Variants in PRELID3B observed in about 807,000 individuals in gnomAD.
PRELID3B encodes the protein PRELI domain containing protein 3B.
Under a neutral mutation model 24.0 loss-of-function variants are expected in PRELID3B, and 15 were observed. The ratio of observed to expected loss-of-function variants is 0.63; its 90% CI spans 0.42 to 0.96. The LOEUF (loss-of-function observed/expected upper bound fraction) is 0.96. PRELID3B is among the 40% of genes least tolerant of loss of function. PRELID3B has a pLI of 0.00. For synonymous variants in PRELID3B, 62 were observed against 76.0 expected (o/e 0.82, Z 0.96); for missense variants, 189 against 236.0 (o/e 0.80, Z 1.30).
In PRELID3B at chr20:59,034,971, C is replaced by G; in HGVS notation, c.*36G>C. ...TAAATATATAGTCAGTTTGGAGAGA[C>G]CTGGAGTACCCGATGTTGTCTACCA... On this transcript the variant is annotated 3_prime_UTR_variant, in exon 6 of 6. Transcript: ENST00000355937. The G allele has an allele frequency of 6.3e-7, 1 of 1,582,286 alleles. No homozygotes were observed. The highest frequency in any genetic ancestry group is 8.6e-7 in the Non-Finnish European group (1 of 1,163,886).
rs2092061833 is a variant in PRELID3B at position 59,035,075 on chromosome 20, C to T, written c.517G>A (p.Glu173Lys). 6.2e-7 allele frequency: 1 copy of T among 1,613,696 alleles called. No homozygotes were observed. Among genetic ancestry groups the T allele is most frequent in the Non-Finnish European group, 8.5e-7 (1 of 1,179,768 alleles). Residue 173 changes from glutamate to lysine, a missense_variant, in exon 6 of 6, where the codon GAA becomes AAA. Transcript: ENST00000355937. ...GTTCCTCTTGCTGAGGCTGTCAGTT[C>T]TTCAATCTCAGCATTTAATTTATGT... The part of the protein sequence containing the change: ...VIHKLNAEIE[E>K]LTASARGTIR...
At position 59,040,548 on chromosome 20, in the gene PRELID3B, C is replaced by G. The variant is rs2092103298; in HGVS notation, c.33-1914G>C. On this transcript the variant is annotated intron_variant, in intron 1 of 5. Coordinates refer to ENST00000355937, the MANE Select transcript of PRELID3B (RefSeq NM_016045.3). This position sits in a 1 kb window ranked among gnomAD's most constrained non-coding sequence, Gnocchi z 4.1. ...TTGAAGGAATCAATGAATGACTTCA[C>G]CTGGATGCCAACTATAGGCCTCAGA... Among the ~76,000 whole-genome samples, 1 of 152,196 alleles carries G rather than the reference C, an allele frequency of 6.6e-6. No homozygotes were observed. Among genetic ancestry groups the G allele is most frequent in the South Asian group, 2.1e-4 (1 of 4,828 alleles).
Position 59,040,859 on chromosome 20 carries a change from C to A in PRELID3B, c.32+1840G>T, listed in dbSNP as rs1004018446. On this transcript the variant is annotated intron_variant, in intron 1 of 5. Coordinates refer to ENST00000355937, the MANE Select transcript of PRELID3B (RefSeq NM_016045.3). This position sits in a 1 kb window ranked among gnomAD's most constrained non-coding sequence, Gnocchi z 4.1. Reference sequence around the variant, plus strand: ...CATTTGGGACTTTGACCAAACAGCTCAGATTATGTGGGGAGAAAGCACGGA... The same window carrying A: ...CATTTGGGACTTTGACCAAACAGCTAAGATTATGTGGGGAGAAAGCACGGA... Among the ~76,000 whole-genome samples the A allele has an allele frequency of 6.6e-6, 1 of 152,042 alleles. No homozygotes were observed. The highest frequency in any genetic ancestry group is 1.5e-5 in the Non-Finnish European group (1 of 68,018).
intron 2 of PRELID3B, among the ~76,000 whole-genome samples, chr20:59,037,558 G>A (rs933494917): frequency 5.9e-5 from 9 of 152,256 alleles, no homozygotes; most frequent in African/African-American, 2.2e-4. Context: ...CTGCCGCGGT[G>A]CGACGGTGGA....
At chr20:59,037,440 T>A (rs1222382539) in intron 2 of PRELID3B, 160 bp from the exon 3 acceptor site, 1 of 686,042 alleles carries the variant, frequency 1.5e-6, no homozygotes, top group African/African-American at 1.8e-5. Flanking sequence ...AGGAGGCCTA[T>A]TCACATATCA....
chr20:59,040,609 T>C lies in PRELID3B; in HGVS notation c.33-1975A>G, dbSNP rs937409007. On this transcript the variant is annotated intron_variant, in intron 1 of 5. Coordinates refer to ENST00000355937, the MANE Select transcript of PRELID3B (RefSeq NM_016045.3). The surrounding 1 kb of genome is among the most constrained non-coding windows in gnomAD (Gnocchi z 4.1). ...TGGAAAATCAAAGACAGATAAGATGTAGAATGATGACTTAGACATTGTTAG... is the reference window on the plus strand; with the variant it reads ...TGGAAAATCAAAGACAGATAAGATGCAGAATGATGACTTAGACATTGTTAG... 1.3e-5 allele frequency among the ~76,000 whole-genome samples: 2 copies of C among 152,208 alleles called. No homozygotes were observed. The highest frequency in any genetic ancestry group is 2.9e-5 in the Non-Finnish European group (2 of 68,044).
In PRELID3B at chr20:59,042,690, C is replaced by G; in HGVS notation, c.32+9G>C. 6.3e-7 allele frequency: 1 copy of G among 1,588,742 alleles called. No homozygotes were observed. ...CCCTCCACGGAGCCGACCCGCGCCCCAAACTTACTCAAAGACGTGCTCCGA... is the reference window on the plus strand; with the variant it reads ...CCCTCCACGGAGCCGACCCGCGCCCGAAACTTACTCAAAGACGTGCTCCGA... On this transcript the variant is annotated intron_variant, in intron 1 of 5. Transcript: ENST00000355937.
intron 1 of PRELID3B, among the ~76,000 whole-genome samples, chr20:59,041,369 A>T (rs2092108903): frequency 6.6e-6 from 1 of 152,330 alleles, no homozygotes; most frequent in South Asian, 2.1e-4. Context: ...AGGATACAGC[A>T]GGCCCTAGGA....
rs981432867 is a variant in PRELID3B, at chr20:59,040,903, G to A, written c.32+1796C>T. 6.6e-6 allele frequency among the ~76,000 whole-genome samples: 1 copy of A among 151,500 alleles called. No homozygotes were observed. Among genetic ancestry groups the A allele is most frequent in the Non-Finnish European group, 1.5e-5 (1 of 67,870 alleles). Reference sequence around the variant, plus strand: ...GCACGGATCAGGGCTGCTTCTCCCAGGACAAAAAAAAAGTCTGTGACGAAA... The same window carrying A: ...GCACGGATCAGGGCTGCTTCTCCCAAGACAAAAAAAAAGTCTGTGACGAAA... On this transcript the variant is annotated intron_variant, in intron 1 of 5. Transcript: ENST00000355937. The surrounding 1 kb of genome is among the most constrained non-coding windows in gnomAD (Gnocchi z 4.1).
In PRELID3B at chr20:59,040,422, A is replaced by G. The variant is rs1364965702; in HGVS notation, c.33-1788T>C. ...TTCACCTTTGAAACGAGGTGAGGAC[A>G]TTATTAACTCCACTGGCGCAGCATC... On this transcript the variant is annotated intron_variant, in intron 1 of 5. Transcript: ENST00000355937. The surrounding 1 kb of genome is among the most constrained non-coding windows in gnomAD (Gnocchi z 4.1). Among the ~76,000 whole-genome samples the G allele has an allele frequency of 6.6e-6, 1 of 152,236 alleles. No homozygotes were observed. Among genetic ancestry groups the G allele is most frequent in the African/African-American group, 2.4e-5 (1 of 41,462 alleles).
At chr20:59,038,155 A>C in intron 2 of PRELID3B, 1 of 240,604 alleles carries the variant, frequency 4.2e-6, no homozygotes, top group Non-Finnish European at 8.0e-6. Context: ...TTATGACCAG[A>C]CCATTACTGC....
Position 59,036,411 on chromosome 20 carries a change from C to A in PRELID3B, c.465+60G>T, listed in dbSNP as rs867273721. 1.1e-4 allele frequency: 142 copies of A among 1,305,430 alleles called. No homozygotes were observed. In the Middle Eastern group the frequency reaches 1.8e-3, roughly 17 times the overall value. 80.9% of individuals were successfully genotyped at this position (1,305,430 alleles called of 1,614,324 possible). Reference sequence around the variant, plus strand: ...TACAAGGACACACATGCAGTCAGCACCCCATTCCATTCCCAGGAAATGAAC... The same window carrying A: ...TACAAGGACACACATGCAGTCAGCAACCCATTCCATTCCCAGGAAATGAAC... On this transcript the variant is annotated intron_variant, in intron 5 of 5. Transcript: ENST00000355937.
rs1461108129 is a variant in PRELID3B, at chr20:59,040,801, G to A, written c.32+1898C>T. 6.6e-6 allele frequency among the ~76,000 whole-genome samples: 1 copy of A among 152,156 alleles called. No individual in the cohort carries two copies. Among genetic ancestry groups the A allele is most frequent in the Non-Finnish European group, 1.5e-5 (1 of 68,040 alleles). ...AGCTCAAGAGAGGCTGGAGCTCAAG[G>A]TACAGATCTGGGTGCCATAAATGTA... is the stretch of plus-strand genomic sequence containing the variant. On this transcript the variant is annotated intron_variant, in intron 1 of 5. Coordinates refer to ENST00000355937, the MANE Select transcript of PRELID3B (RefSeq NM_016045.3). The surrounding 1 kb of genome is among the most constrained non-coding windows in gnomAD (Gnocchi z 4.1).
In PRELID3B at chr20:59,040,027, G is replaced by A. The variant is rs1482743585; in HGVS notation, c.33-1393C>T. On this transcript the variant is annotated intron_variant, in intron 1 of 5. Transcript: ENST00000355937. This position sits in a 1 kb window ranked among gnomAD's most constrained non-coding sequence, Gnocchi z 4.1. ...ATGAAAATCAGATGAACCCTCCCCA[G>A]GTCTCCATCCAGTCATATGCCATGG... Among the ~76,000 whole-genome samples the A allele has an allele frequency of 6.6e-6, 1 of 152,058 alleles. No individual in the cohort carries two copies. The highest frequency in any genetic ancestry group is 1.5e-5 in the Non-Finnish European group (1 of 67,992).
rs1039094772 is a variant in PRELID3B at position 59,042,605 on chromosome 20, G to A, written c.32+94C>T. On this transcript the variant is annotated intron_variant, in intron 1 of 5. Transcript: ENST00000355937. ...GTTCGCTCCCCTCGCTAGGCCCGAC[G>A]CCTAGAAGCCTCCTGCGGGCCGCCT... 2.9e-6 allele frequency: 4 copies of A among 1,362,844 alleles called. No individual in the cohort carries two copies. The African/African-American group carries it at 4.4e-5, about 15-fold the overall frequency. The allele number at this position is 1,362,844 out of a possible 1,614,324, so 84.4% of individuals were successfully genotyped here.
Position 59,034,571 on chromosome 20 carries a change from T to C in PRELID3B, c.*436A>G, listed in dbSNP as rs1178515806. On this transcript the variant is annotated 3_prime_UTR_variant, in exon 6 of 6. Coordinates refer to ENST00000355937, the MANE Select transcript of PRELID3B (RefSeq NM_016045.3). ...ATTTTAAAACTACACAATTTCTCCT[T>C]TTAAGTGAGCTCCCTTGTGCAAGCT... 1 of 154,092 alleles carries C rather than the reference T, an allele frequency of 6.5e-6. No homozygotes were observed. The highest frequency in any genetic ancestry group is 6.5e-5 in the Admixed American group (1 of 15,350). 9.5% of individuals were successfully genotyped at this position (154,092 alleles called of 1,614,324 possible). A position where few individuals can be genotyped will look rare whatever the true frequency, so the allele number is the denominator to read the frequency against.
At chr20:59,038,277 CT>C in intron 2 of PRELID3B, 188 bp downstream of exon 2, 1 of 472,454 alleles carries the variant, frequency 2.1e-6, no homozygotes. Context: ...TATTGGGTGC[CT>C]TCATGAAGAC....
intron 5 of PRELID3B, 128 bp downstream of exon 5, chr20:59,036,343 A>G (rs2092071901): frequency 2.9e-6 from 2 of 686,192 alleles, no homozygotes; most frequent in Non-Finnish European, 5.1e-6. Flanking sequence ...GTAACTGCCC[A>G]ACGTGCTGCA....
chr20:59,038,646 A>G lies in PRELID3B; in HGVS notation c.33-12T>C. 1 of 1,400,962 alleles carries G rather than the reference A, an allele frequency of 7.1e-7. No homozygotes were observed. Among genetic ancestry groups the G allele is most frequent in the Non-Finnish European group, 9.2e-7 (1 of 1,090,104 alleles). The allele number at this position is 1,400,962 out of a possible 1,614,324, so 86.8% of individuals were successfully genotyped here. A position where few individuals can be genotyped will look rare whatever the true frequency, so the allele number is the denominator to read the frequency against. On this transcript the variant is annotated splice_polypyrimidine_tract_variant and intron_variant, in intron 1 of 5. Transcript: ENST00000355937. ...TTTCCCACGGGTGGCTGCCGATGTGAACCAAAAAAAAAAAAAAAAAAATTC... is the reference window on the plus strand; with the variant it reads ...TTTCCCACGGGTGGCTGCCGATGTGGACCAAAAAAAAAAAAAAAAAAATTC...
Sources: gnomAD v4.1 joint callset for allele counts (sites outside exome capture counted in the v4.1 genomes callset) on GRCh38, gnomAD v4.1.1 for gene constraint, Gnocchi (gnomAD v3.1) non-coding constraint, MANE v1.5 for transcripts, NCBI Gene and HGNC (gene_info 2026-07-23, HGNC 2026-07-21) for gene names.